Variants in IRAK3 observed in about 807,000 individuals in gnomAD.
The protein encoded by IRAK3 is interleukin 1 receptor associated kinase 3.
Under a neutral mutation model 56.6 loss-of-function variants are expected in IRAK3, and 57 were observed. The observed-to-expected ratio is 1.01, with a 90% CI of 0.81 to 1.26. The LOEUF is 1.26. IRAK3 is among the 50% of genes most tolerant of loss of function. IRAK3 has a pLI of 0.00. For missense variants in IRAK3, 703 were observed against 719.0 expected, an observed-to-expected ratio of 0.98 and a Z score of 0.25; for synonymous variants, 258 against 255.7, an observed-to-expected ratio of 1.01 and a Z score of -0.09.
intron 11 of IRAK3, 76 bp downstream of exon 11, chr12:66,245,338 C>A: frequency 6.9e-7 from 1 of 1,439,550 alleles, no homozygotes. Flanking sequence ...AATTGTGTAT[C>A]TAAGTGAATT....
At position 66,203,898 on chromosome 12, in the gene IRAK3, A is replaced by G. The variant is rs1397844062; in HGVS notation, c.316+5A>G. 1.2e-6 allele frequency: 2 copies of G among 1,610,492 alleles called. No individual in the cohort carries two copies. The highest frequency in any genetic ancestry group is 1.7e-6 in the Non-Finnish European group (2 of 1,176,686). Reference sequence around the variant, plus strand: ...TTCATTTAATTACAAACTATGGTAAATGCTGATTCTTATAATGTGGCTCTT... The same window carrying G: ...TTCATTTAATTACAAACTATGGTAAGTGCTGATTCTTATAATGTGGCTCTT... On this transcript the variant is annotated splice_donor_5th_base_variant and intron_variant, in intron 2 of 11. Coordinates refer to ENST00000261233, the MANE Select transcript of IRAK3 (RefSeq NM_007199.3).
intron 1 of IRAK3, 134 bp downstream of exon 1, chr12:66,189,566 GC>G: frequency 2.1e-6 from 1 of 471,040 alleles, no homozygotes; most frequent in Non-Finnish European, 2.9e-6. Context: ...CAGGGAGCCG[GC>G]CCCCTCCTTT....
At chr12:66,223,896 C>T (rs2052760864) in intron 6 of IRAK3, among the ~76,000 whole-genome samples, 1 of 151,222 alleles carries the variant, frequency 6.6e-6, no homozygotes, top group Non-Finnish European at 1.5e-5. Flanking sequence ...ATAATTCTCC[C>T]ATTTTTTCCC....
chr12:66,209,385 G>T (rs1159880256), intron 2 of IRAK3, 71 bp from the exon 3 acceptor site: 3 of 840,540 alleles, frequency 3.6e-6, no homozygotes, highest in African/African-American at 1.7e-5. Flanking sequence ...TTTATTTTCA[G>T]AGTCTCAGAA....
intron 5 of IRAK3, among the ~76,000 whole-genome samples, chr12:66,215,916 C>T (rs562618180): frequency 2.0e-5 from 3 of 152,008 alleles, no homozygotes; most frequent in Admixed American, 6.5e-5. Context: ...TGGTTCATTA[C>T]CAATTACTTT....
At chr12:66,236,430 T>A (rs2052908992) in intron 8 of IRAK3, among the ~76,000 whole-genome samples, 1 of 145,282 alleles carries the variant, frequency 6.9e-6, no homozygotes. Context: ...TAACCAGGCA[T>A]AGTGGCTTGT....
chr12:66,211,532 GA>G lies in IRAK3; in HGVS notation c.524del (p.Glu175GlyfsTer13), dbSNP rs1343026614. On this transcript the variant is annotated frameshift_variant, in exon 5 of 12. Transcript: ENST00000261233. LOFTEE classifies it high-confidence loss of function. ...FHKDFLIGEG[E>X]IFEVYRVEIQ... ...CAAAGACTTCCTAATTGGAGAAGGA[GA>G]GATTTTTGAGGTATACAGAGTGGAG... The G allele has an allele frequency of 6.2e-7, 1 of 1,610,584 alleles. No homozygotes were observed. Among genetic ancestry groups the G allele is most frequent in the South Asian group, 1.1e-5 (1 of 91,002 alleles).
chr12:66,208,486 C>A (rs138896271), intron 2 of IRAK3, among the ~76,000 whole-genome samples: 47 of 152,272 alleles, frequency 3.1e-4, no homozygotes, highest in Non-Finnish European at 6.5e-4. Flanking sequence ...TACAGCTGGG[C>A]GCTGTGGCTC....
Position 66,203,788 on chromosome 12 carries a change from G to T in IRAK3, c.211G>T (p.Glu71Ter). 1.9e-6 allele frequency: 3 copies of T among 1,613,790 alleles called. No individual in the cohort carries two copies. Among genetic ancestry groups the T allele is most frequent in the Non-Finnish European group, 2.5e-6 (3 of 1,179,716 alleles). ...AGACCAAGGTAAAAGTGGAACAAGA[G>T]AATTACTTTGGTCCTGGGCACAGAA... ...YVDQGKSGTR[E>*]LLWSWAQKNK... The change falls in exon 2 of 12, where the codon GAA becomes TAA. Residue 71 changes from glutamate to a stop codon, truncating the protein, a stop_gained. Coordinates refer to ENST00000261233, the MANE Select transcript of IRAK3 (RefSeq NM_007199.3). LOFTEE classifies it high-confidence loss of function.
At chr12:66,203,936 G>C in intron 2 of IRAK3, 43 bp downstream of exon 2, 1 of 1,496,892 alleles carries the variant, frequency 6.7e-7, no homozygotes, top group Non-Finnish European at 9.3e-7. Flanking sequence ...TCTGTAATAG[G>C]AACTGTAATT....
chr12:66,211,577 G>A lies in IRAK3; in HGVS notation c.568G>A (p.Ala190Thr). 1 of 1,611,710 alleles carries A rather than the reference G, an allele frequency of 6.2e-7. No homozygotes were observed. The highest frequency in any genetic ancestry group is 8.5e-7 in the Non-Finnish European group (1 of 1,178,004). The change falls in exon 5 of 12, where the codon GCT becomes ACT. Residue 190 changes from alanine (A) to threonine (T), a missense_variant. Physicochemically the swap from Ala to Thr is moderately conservative, Grantham distance 58. Coordinates refer to ENST00000261233, the MANE Select transcript of IRAK3 (RefSeq NM_007199.3). Reference sequence around the variant, plus strand: ...AGTGGAGATTCAAAACCTAACATATGCTGTCAAATTATTTAAACAGGTATG... The same window carrying A: ...AGTGGAGATTCAAAACCTAACATATACTGTCAAATTATTTAAACAGGTATG... ...YRVEIQNLTY[A>T]VKLFKQEKKM...
intron 1 of IRAK3, among the ~76,000 whole-genome samples, chr12:66,192,239 CT>C (rs2052406384): frequency 6.6e-6 from 1 of 152,200 alleles, no homozygotes; most frequent in South Asian, 2.1e-4. Context: ...CATTTAATTA[CT>C]TTTATTTTTA....
intron 6 of IRAK3, among the ~76,000 whole-genome samples, chr12:66,218,915 C>T (rs1462295897): frequency 2.0e-5 from 3 of 152,132 alleles, no homozygotes; most frequent in African/African-American, 7.2e-5. Flanking sequence ...TAAGTGAGAT[C>T]ATGCAGTATT....
At chr12:66,190,495 G>T (rs1225095275) in intron 1 of IRAK3, among the ~76,000 whole-genome samples, 1 of 152,142 alleles carries the variant, frequency 6.6e-6, no homozygotes, top group Non-Finnish European at 1.5e-5. Context: ...ATGGATTTTG[G>T]CGTGGACAGT....
At chr12:66,189,900 C>A (rs755108249) in intron 1 of IRAK3, among the ~76,000 whole-genome samples, 1 of 152,160 alleles carries the variant, frequency 6.6e-6, no homozygotes, top group Admixed American at 6.5e-5. Flanking sequence ...AAGTAAACTA[C>A]GGTTTGCAAT....
intron 5 of IRAK3, among the ~76,000 whole-genome samples, chr12:66,212,147 A>G (rs943121839): frequency 6.7e-6 from 1 of 150,084 alleles, no homozygotes; most frequent in African/African-American, 2.4e-5. Context: ...AGTCTCCAGG[A>G]CTTTGTTAAA....
At chr12:66,234,367 A>T in intron 8 of IRAK3, 1 of 1,612,320 alleles carries the variant, frequency 6.2e-7, no homozygotes, top group Non-Finnish European at 8.5e-7. Context: ...TATATGGTTG[A>T]GGTTGCGTCC....
Position 66,217,372 on chromosome 12 carries a change from A to T in IRAK3, c.653+137A>T, listed in dbSNP as rs182758799. ...ATGTTAGAACTTCGAATAAATTTTG[A>T]TATCTGCTTTAGTATATTCCTTAAA... is the stretch of plus-strand genomic sequence containing the variant. On this transcript the variant is annotated intron_variant, in intron 6 of 11. Coordinates refer to ENST00000261233, the MANE Select transcript of IRAK3 (RefSeq NM_007199.3). 506 of 767,942 alleles carry T rather than the reference A, an allele frequency of 6.6e-4. 2 individuals carry two copies. The African/African-American group carries it at 7.9e-3, about 12-fold the overall frequency. The allele number at this position is 767,942 out of a possible 1,614,324, so 47.6% of individuals were successfully genotyped here.
intron 2 of IRAK3, among the ~76,000 whole-genome samples, chr12:66,208,685 C>T (rs2052582011): frequency 6.6e-6 from 1 of 150,810 alleles, no homozygotes; most frequent in South Asian, 2.1e-4. Flanking sequence ...CACTTGAACC[C>T]AGGAGGCGGA....
Sources: gnomAD v4.1 joint callset for allele counts (sites outside exome capture counted in the v4.1 genomes callset) on GRCh38, gnomAD v4.1.1 for gene constraint, MANE v1.5 for transcripts, NCBI Gene and HGNC (gene_info 2026-07-23, HGNC 2026-07-21) for gene names.